Variants in ZNF586 observed in about 807,000 individuals in gnomAD.
ZNF586 encodes zinc finger protein 586.
ZNF586 carries 7 observed loss-of-function variants against 6.7 expected under a neutral mutation model. That is an observed-to-expected ratio of 1.04 (90% confidence interval 0.59 to 1.95). ZNF586 has a LOEUF of 1.95. Among genes scored for constraint, ZNF586 ranks in the 30% most tolerant of loss-of-function variants. The pLI is 0.00. For missense variants in ZNF586, 442 were observed against 489.6 expected (o/e 0.90, Z 0.92); for synonymous variants, 166 against 168.7 (o/e 0.98, Z 0.12).
intron 1 of ZNF586, among the ~76,000 whole-genome samples, chr19:57,770,906 G>A (rs1374479422): frequency 1.3e-5 from 2 of 151,886 alleles, no homozygotes; most frequent in Non-Finnish European, 1.5e-5. Flanking sequence ...GCTGGGTTGC[G>A]GTGACGCGAT....
In ZNF586 at chr19:57,779,916, C is replaced by T; in HGVS notation, c.*120C>T. On this transcript the variant is annotated 3_prime_UTR_variant, in exon 3 of 3. Transcript: ENST00000396154. ...GAATATTCTTTAGCTAGAATGCTAG[C>T]TTCTTTACATAAAAGAGTGCTCCCA... 1 of 893,556 alleles carries T rather than the reference C, an allele frequency of 1.1e-6. No individual in the cohort carries two copies. The highest frequency in any genetic ancestry group is 1.7e-6 in the Non-Finnish European group (1 of 597,096). The allele number at this position is 893,556 out of a possible 1,614,324, so 55.4% of individuals were successfully genotyped here.
At chr19:57,775,534 T>C (rs917289065) in intron 1 of ZNF586, among the ~76,000 whole-genome samples, 21 of 151,200 alleles carry the variant, frequency 1.4e-4, no homozygotes, top group African/African-American at 5.1e-4. Context: ...CATTCTTTTA[T>C]GGGAATCAGG....
chr19:57,769,903 T>TTGGC, intron 1 of ZNF586, 25 bp downstream of exon 1: 46 of 1,475,046 alleles, frequency 3.1e-5, no homozygotes, highest in Non-Finnish European at 4.0e-5. Context: ...CTCCGGGCCT[T>TTGGC]ACCCACCCTA....
chr19:57,779,084 T>G lies in ZNF586; in HGVS notation c.497T>G (p.Leu166Trp). The change falls in exon 3 of 3, where the codon TTG (leucine) becomes TGG (tryptophan). Residue 166 changes from leucine (L) to tryptophan (W), a missense_variant. Physicochemically the swap from Leu to Trp is moderately conservative, Grantham distance 61. Transcript: ENST00000396154. ...GKSFHQSSSL[L>W]QRQTLHTRER... ...TCATTTCACCAAAGCTCTTCACTCT[T>G]GCAGCGTCAGACACTTCACACTAGA... 1 of 1,614,104 alleles carries G rather than the reference T, an allele frequency of 6.2e-7. No individual in the cohort carries two copies. Among genetic ancestry groups the G allele is most frequent in the African/African-American group, 1.3e-5 (1 of 75,020 alleles).
chr19:57,769,695 C>T lies in ZNF586; in HGVS notation c.-148C>T. On this transcript the variant is annotated 5_prime_UTR_variant, in exon 1 of 3. Transcript: ENST00000396154. ...ATTTTGGCCTGTCAGGTCCATCCGG[C>T]GATGCTGGGTCTGGACGAGCTCGGG... The T allele has an allele frequency of 2.4e-6, 2 of 837,178 alleles. No individual in the cohort carries two copies. The highest frequency in any genetic ancestry group is 3.8e-6 in the Non-Finnish European group (2 of 528,514). 51.9% of individuals were successfully genotyped at this position (837,178 alleles called of 1,614,324 possible). A position where few individuals can be genotyped will look rare whatever the true frequency, so the allele number is the denominator to read the frequency against.
chr19:57,774,890 C>T (rs570914102), intron 1 of ZNF586: 3 of 270,414 alleles, frequency 1.1e-5, no homozygotes, highest in African/African-American at 6.9e-5. Context: ...AATCTCCCTC[C>T]CCACTCTGCT....
intron 1 of ZNF586, 57 bp downstream of exon 1, chr19:57,769,935 CT>C: frequency 7.1e-7 from 1 of 1,409,576 alleles, no homozygotes; most frequent in East Asian, 2.9e-5. Context: ...CCTGAGGCCC[CT>C]GATCGTGAGG....
chr19:57,775,674 C>T (rs1175067672), intron 1 of ZNF586, among the ~76,000 whole-genome samples: 1 of 144,938 alleles, frequency 6.9e-6, no homozygotes, highest in East Asian at 2.1e-4. Context: ...GCCATCTAGG[C>T]TCACTGCAAC....
rs1285118742 is a variant in ZNF586 at position 57,778,877 on chromosome 19, T to C, written c.290T>C (p.Phe97Ser). ...GAGTGTGGGGAATATAGGAAATTAT[T>C]TAAGAACAAGTCCTGCCTCACTGAA... ...PYECGEYRKLFKNKSCLTEPR... is the reference protein window; with the variant it reads ...PYECGEYRKLSKNKSCLTEPR... Residue 97 changes from phenylalanine (F) to serine (S), a missense_variant, in exon 3 of 3, where the codon TTT becomes TCT. Physicochemically the swap from Phe to Ser is radical, Grantham distance 155. Coordinates refer to ENST00000396154, the MANE Select transcript of ZNF586 (RefSeq NM_017652.4). 4 of 1,614,148 alleles carry C rather than the reference T, an allele frequency of 2.5e-6. No individual in the cohort carries two copies. The highest frequency in any genetic ancestry group is 1.7e-6 in the Non-Finnish European group (2 of 1,180,036).
intron 1 of ZNF586, among the ~76,000 whole-genome samples, chr19:57,771,463 T>G (rs530913556): frequency 6.6e-6 from 1 of 152,120 alleles, no homozygotes; most frequent in Admixed American, 6.5e-5. Context: ...GTGCCATTTC[T>G]CCGGTCCTTC....
chr19:57,772,346 AAC>A (rs1416691666), intron 1 of ZNF586, among the ~76,000 whole-genome samples: 1 of 152,132 alleles, frequency 6.6e-6, no homozygotes, highest in African/African-American at 2.4e-5. Flanking sequence ...CACAACAATC[AAC>A]ACAGAGTACT....
chr19:57,769,691 C>G lies in ZNF586; in HGVS notation c.-152C>G. On this transcript the variant is annotated 5_prime_UTR_variant, in exon 1 of 3. It adds an upstream start codon to the 5' untranslated region. Transcript: ENST00000396154. ...AGCCATTTTGGCCTGTCAGGTCCATCCGGCGATGCTGGGTCTGGACGAGCT... is the reference window on the plus strand; with the variant it reads ...AGCCATTTTGGCCTGTCAGGTCCATGCGGCGATGCTGGGTCTGGACGAGCT... 1.2e-6 allele frequency: 1 copy of G among 815,800 alleles called. No homozygotes were observed. Among genetic ancestry groups the G allele is most frequent in the African/African-American group, 1.7e-5 (1 of 57,746 alleles). 50.5% of individuals were successfully genotyped at this position (815,800 alleles called of 1,614,324 possible).
Position 57,779,556 on chromosome 19 carries a change from G to C in ZNF586, c.969G>C (p.Gly323=). Reference sequence around the variant, plus strand: ...AAAGGCATGAGTGCGGGCAGTGTGGGAAATCCTTTAGCCGAAAATCTAGCC... The same window carrying C: ...AAAGGCATGAGTGCGGGCAGTGTGGCAAATCCTTTAGCCGAAAATCTAGCC... The part of the protein sequence containing the change: ...TGERHECGQC[G]KSFSRKSSLI... Residue 323 remains glycine, a synonymous_variant, in exon 3 of 3, where the codon GGG becomes GGC. Coordinates refer to ENST00000396154, the MANE Select transcript of ZNF586 (RefSeq NM_017652.4). The C allele has an allele frequency of 6.2e-7, 1 of 1,613,504 alleles. No homozygotes were observed. Among genetic ancestry groups the C allele is most frequent in the African/African-American group, 1.3e-5 (1 of 74,740 alleles).
rs35585717 is a variant in ZNF586, at chr19:57,773,402, C to CTTT, written c.37-3124_37-3122dup. Reference sequence around the variant, plus strand: ...GAGGATACATCTGTTTCTTCTTCTTCTTTTTTTTTTTTTTTTTTTGAGACA... The same window carrying CTTT: ...GAGGATACATCTGTTTCTTCTTCTTCTTTTTTTTTTTTTTTTTTTTTTGAGACA... On this transcript the variant is annotated intron_variant, in intron 1 of 2. Coordinates refer to ENST00000396154, the MANE Select transcript of ZNF586 (RefSeq NM_017652.4). Among the ~76,000 whole-genome samples, 584 of 92,760 alleles carry CTTT rather than the reference C, an allele frequency of 6.3e-3. 12 individuals are homozygous for CTTT. The highest frequency in any genetic ancestry group is 0.019 in the African/African-American group (549 of 28,232). The allele number at this position is 92,760 out of a possible 152,430, so 60.9% of individuals were successfully genotyped here.
intron 2 of ZNF586, among the ~76,000 whole-genome samples, chr19:57,777,973 G>T (rs989482556): frequency 6.6e-6 from 1 of 151,288 alleles, no homozygotes; most frequent in Admixed American, 6.6e-5. Context: ...TGGCAAGGCT[G>T]GTCTTGAACT....
chr19:57,769,825 C>T lies in ZNF586; in HGVS notation c.-18C>T. On this transcript the variant is annotated 5_prime_UTR_variant, in exon 1 of 3. Transcript: ENST00000396154. ...ACAGGAACACCGCCGAGCCCGCGTT[C>T]CCCCCCCGCCCAGAGTCATGGCGGC... 6.9e-7 allele frequency: 1 copy of T among 1,442,854 alleles called. No individual in the cohort carries two copies. The highest frequency in any genetic ancestry group is 1.2e-5 in the South Asian group (1 of 81,784). The allele number at this position is 1,442,854 out of a possible 1,614,324, so 89.4% of individuals were successfully genotyped here. A position where few individuals can be genotyped will look rare whatever the true frequency, so the allele number is the denominator to read the frequency against.
At chr19:57,776,846 C>T (rs913995749) in intron 2 of ZNF586, among the ~76,000 whole-genome samples, 177 bp downstream of exon 2, 4 of 152,140 alleles carry the variant, frequency 2.6e-5, no homozygotes. Flanking sequence ...TGAGCAGCCC[C>T]AACCTGCTTT....
chr19:57,770,919 C>A (rs949981723), intron 1 of ZNF586, among the ~76,000 whole-genome samples: 1 of 152,022 alleles, frequency 6.6e-6, no homozygotes, highest in Non-Finnish European at 1.5e-5. Context: ...GACGCGATCA[C>A]GGCGCAGCAC....
At chr19:57,771,502 C>T (rs561346856) in intron 1 of ZNF586, among the ~76,000 whole-genome samples, 14 of 152,224 alleles carry the variant, frequency 9.2e-5, no homozygotes, top group African/African-American at 3.4e-4. Flanking sequence ...AAACCTCAAA[C>T]CCCAAACCTA....
Sources: gnomAD v4.1 joint callset for allele counts (sites outside exome capture counted in the v4.1 genomes callset) on GRCh38, gnomAD v4.1.1 for gene constraint, MANE v1.5 for transcripts, NCBI Gene and HGNC (gene_info 2026-07-23, HGNC 2026-07-21) for gene names.